The following NKAIN2 variants were observed in gnomAD, a reference collection of about 807,000 sequenced individuals.
NKAIN2 encodes the protein sodium/potassium transporting ATPase interacting 2.
A neutral mutation model predicts 32.6 loss-of-function variants in NKAIN2; 14 were observed. The observed-to-expected ratio is 0.43, with a 90% CI of 0.28 to 0.67. The LOEUF is 0.67. Among genes scored for constraint, NKAIN2 ranks in the 30% least tolerant of loss-of-function variants. The probability of loss-of-function intolerance (pLI) is 0.17; values close to 1 mark genes in which losing one functional copy is unlikely to be tolerated. For missense variants in NKAIN2, 198 were observed against 258.3 expected, an observed-to-expected ratio of 0.77 and a Z score of 1.60; for synonymous variants, 80 against 87.2, an observed-to-expected ratio of 0.92 and a Z score of 0.46.
chr6:123,887,492 A>G (rs1013130312), intron 1 of NKAIN2, among the ~76,000 whole-genome samples: 2 of 152,134 alleles, frequency 1.3e-5, no homozygotes, highest in African/African-American at 4.8e-5. Context: ...TATCAATTAA[A>G]GGGTATTAAA....
chr6:124,548,921 C>T (rs1780189548), intron 3 of NKAIN2, among the ~76,000 whole-genome samples: 1 of 152,118 alleles, frequency 6.6e-6, no homozygotes, highest in African/African-American at 2.4e-5. Flanking sequence ...GAAACTGAAA[C>T]TGATTGGTGA....
At chr6:124,009,749 T>C (rs1380015025) in intron 1 of NKAIN2, among the ~76,000 whole-genome samples, 1 of 152,220 alleles carries the variant, frequency 6.6e-6, no homozygotes, top group East Asian at 1.9e-4. Context: ...TGAATGAATC[T>C]AGACAATGCA....
chr6:124,508,865 C>T (rs1778600730), intron 3 of NKAIN2, among the ~76,000 whole-genome samples: 1 of 152,106 alleles, frequency 6.6e-6, no homozygotes, highest in African/African-American at 2.4e-5. Context: ...TCTCTCTGTG[C>T]ATCTATCTCA....
At chr6:124,712,695 C>T (rs139498509) in intron 4 of NKAIN2, among the ~76,000 whole-genome samples, 1,993 of 151,746 alleles carry the variant, frequency 0.013, 26 homozygotes, top group Middle Eastern at 0.027. Flanking sequence ...GTGTGCGCAC[C>T]CACTGACCGG....
rs78120124 is a variant in NKAIN2 at position 124,253,612 on chromosome 6, A to G, written c.55-29393A>G. 7.6e-3 allele frequency among the ~76,000 whole-genome samples: 1,163 copies of G among 152,200 alleles called. 17 individuals carry two copies. Among genetic ancestry groups the G allele is most frequent in the African/African-American group, 0.027 (1,130 of 41,550 alleles). On this transcript the variant is annotated intron_variant, in intron 1 of 6. Transcript: ENST00000368417. ...TGTGTGTAAGTGTTCAATTACTACT[A>G]TTATTTACCTTGAAAATCAAAAGTA...
chr6:124,479,908 C>T (rs1388342526), intron 3 of NKAIN2, among the ~76,000 whole-genome samples: 1 of 151,886 alleles, frequency 6.6e-6, no homozygotes, highest in African/African-American at 2.4e-5. Flanking sequence ...TTAGAAATAG[C>T]ATTAAAAAAC....
At chr6:124,295,598 A>C (rs931590769) in intron 2 of NKAIN2, among the ~76,000 whole-genome samples, 1 of 152,152 alleles carries the variant, frequency 6.6e-6, no homozygotes, top group Admixed American at 6.6e-5. Context: ...GCCAGTTTGC[A>C]AAATCCTAAT....
At chr6:123,869,926 A>G (rs903336020) in intron 1 of NKAIN2, among the ~76,000 whole-genome samples, 2 of 152,220 alleles carry the variant, frequency 1.3e-5, no homozygotes, top group African/African-American at 4.8e-5. Flanking sequence ...ATTTTCCACA[A>G]AAGTCTTTCC....
At chr6:123,881,283 A>G (rs997418193) in intron 1 of NKAIN2, among the ~76,000 whole-genome samples, 1 of 152,166 alleles carries the variant, frequency 6.6e-6, no homozygotes, top group African/African-American at 2.4e-5. Flanking sequence ...CGGCCTCCCA[A>G]AGTGCTGGGA....
intron 1 of NKAIN2, among the ~76,000 whole-genome samples, chr6:123,959,925 ATGTGTG>A (rs6149793): frequency 0.038 from 5,301 of 141,258 alleles, 175 homozygotes; most frequent in African/African-American, 0.086. Context: ...TCTTCCATAT[ATGTGTG>A]TGTGTGTGTG....
At chr6:124,436,856 T>C (rs1242965383) in intron 3 of NKAIN2, among the ~76,000 whole-genome samples, 3 of 152,142 alleles carry the variant, frequency 2.0e-5, no homozygotes, top group African/African-American at 7.2e-5. Context: ...GAGGCTTCCA[T>C]CTTCTGCTAG....
chr6:124,465,380 G>A (rs1776703573), intron 3 of NKAIN2, among the ~76,000 whole-genome samples: 1 of 151,962 alleles, frequency 6.6e-6, no homozygotes. Context: ...ACTAACACAG[G>A]AACAGAAAAC....
chr6:124,391,245 G>A (rs950742521), intron 3 of NKAIN2, among the ~76,000 whole-genome samples: 9 of 152,220 alleles, frequency 5.9e-5, no homozygotes, highest in African/African-American at 2.2e-4. Flanking sequence ...GAAAGATGTG[G>A]TAAAAATTAT....
At chr6:124,716,319 C>G (rs191532030) in intron 4 of NKAIN2, among the ~76,000 whole-genome samples, 2 of 152,280 alleles carry the variant, frequency 1.3e-5, no homozygotes, top group South Asian at 2.1e-4. Flanking sequence ...TATCTGCCCT[C>G]TATGGGAACA....
chr6:124,800,316 C>T (rs12214828), intron 5 of NKAIN2, among the ~76,000 whole-genome samples: 9,395 of 152,086 alleles, frequency 0.062, 350 homozygotes, highest in Non-Finnish European at 0.085. Flanking sequence ...ACCAGGTTTG[C>T]GGAATGAAAA....
chr6:124,082,677 A>G (rs1187163590), intron 1 of NKAIN2, among the ~76,000 whole-genome samples: 1 of 152,052 alleles, frequency 6.6e-6, no homozygotes, highest in Admixed American at 6.6e-5. Flanking sequence ...AGTTTAAAGG[A>G]TCAGTGTCAC....
chr6:124,338,842 G>T (rs1797992897), intron 2 of NKAIN2, among the ~76,000 whole-genome samples: 1 of 152,150 alleles, frequency 6.6e-6, no homozygotes, highest in African/African-American at 2.4e-5. Context: ...TGATGTAATT[G>T]CCTAAAAGGA....
intron 1 of NKAIN2, among the ~76,000 whole-genome samples, chr6:124,021,513 C>T (rs1175182770): frequency 1.3e-5 from 2 of 151,736 alleles, no homozygotes; most frequent in Admixed American, 6.6e-5. Flanking sequence ...TATTATATTA[C>T]TCTGAATACT....
At chr6:124,420,017 A>G (rs1774676762) in intron 3 of NKAIN2, among the ~76,000 whole-genome samples, 1 of 152,130 alleles carries the variant, frequency 6.6e-6, no homozygotes, top group Non-Finnish European at 1.5e-5. Context: ...GGAACTGATT[A>G]AGAAGAATTA....
Sources: gnomAD v4.1 joint callset for allele counts (sites outside exome capture counted in the v4.1 genomes callset) on GRCh38, gnomAD v4.1.1 for gene constraint, MANE v1.5 for transcripts, NCBI Gene and HGNC (gene_info 2026-07-23, HGNC 2026-07-21) for gene names.